Variants in MLPH observed in about 807,000 individuals in gnomAD.
The protein encoded by MLPH is melanophilin, also known as exophilin-3.
A neutral mutation model predicts 72.1 loss-of-function variants in MLPH; 51 were observed. The observed-to-expected ratio is 0.71, with a 90% CI of 0.56 to 0.89. The LOEUF is 0.89. Ranked by LOEUF, MLPH falls within the 40% of genes least tolerant of loss-of-function variation. The pLI is 0.00. For synonymous variants in MLPH, 301 were observed against 310.1 expected (o/e 0.97, Z 0.31); for missense variants, 743 against 759.9 (o/e 0.98, Z 0.26).
At chr2:237,511,239 CCT>C (rs2079896119) in intron 4 of MLPH, 138 bp downstream of exon 4, 3 of 693,648 alleles carry the variant, frequency 4.3e-6, no homozygotes, top group African/African-American at 3.6e-5. Flanking sequence ...CATGCACATG[CCT>C]CTCTGTGAAT....
At chr2:237,553,458 A>G in intron 15 of MLPH, 108 bp from the exon 16 acceptor site, 1 of 1,013,350 alleles carries the variant, frequency 9.9e-7, no homozygotes, top group East Asian at 2.6e-5. Flanking sequence ...ACAGATGTGC[A>G]CATCCATGTA....
At position 237,510,432 on chromosome 2, in the gene MLPH, C is replaced by T; in HGVS notation, c.111-142C>T. 1 of 887,450 alleles carries T rather than the reference C, an allele frequency of 1.1e-6. No homozygotes were observed. Among genetic ancestry groups the T allele is most frequent in the Non-Finnish European group, 1.8e-6 (1 of 546,258 alleles). The allele number at this position is 887,450 out of a possible 1,614,324, so 55.0% of individuals were successfully genotyped here. A position where few individuals can be genotyped will look rare whatever the true frequency, so the allele number is the denominator to read the frequency against. Reference sequence around the variant, plus strand: ...TGTGTGGCTTTGCCCAACGTTGGGTCACTGTTTTCTGCATAGGAGACAGTT... The same window carrying T: ...TGTGTGGCTTTGCCCAACGTTGGGTTACTGTTTTCTGCATAGGAGACAGTT... On this transcript the variant is annotated intron_variant, in intron 2 of 15. Coordinates refer to ENST00000264605, the MANE Select transcript of MLPH (RefSeq NM_024101.7). This position sits in a 1 kb window ranked among gnomAD's most constrained non-coding sequence, Gnocchi z 4.4.
At chr2:237,542,260 C>T (rs1288069300) in intron 11 of MLPH, among the ~76,000 whole-genome samples, 1 of 152,060 alleles carries the variant, frequency 6.6e-6, no homozygotes, top group Non-Finnish European at 1.5e-5. Flanking sequence ...CCTTGCATGT[C>T]ACGGCCCCTC....
chr2:237,505,775 T>C lies in MLPH; in HGVS notation c.111-4799T>C, dbSNP rs6725809. On this transcript the variant is annotated intron_variant, in intron 2 of 15. Coordinates refer to ENST00000264605, the MANE Select transcript of MLPH (RefSeq NM_024101.7). The surrounding 1 kb of genome is among the most constrained non-coding windows in gnomAD (Gnocchi z 4.5). ...TGGTATACGCCCTTTCTTCAGAGGC[T>C]GCCGGGCCTCCCTTGAGGACAGGAG... Among the ~76,000 whole-genome samples the C allele has an allele frequency of 0.027, 4,036 of 152,300 alleles. 154 individuals are homozygous for C. The highest frequency in any genetic ancestry group is 0.087 in the African/African-American group (3,633 of 41,536).
chr2:237,538,223 T>C (rs945929771), intron 9 of MLPH, among the ~76,000 whole-genome samples: 2 of 152,034 alleles, frequency 1.3e-5, no homozygotes, highest in African/African-American at 4.8e-5. Context: ...CACCAAGCTT[T>C]CCCCCAGGAG....
intron 2 of MLPH, among the ~76,000 whole-genome samples, chr2:237,501,223 T>C (rs917953921): frequency 6.6e-6 from 1 of 152,166 alleles, no homozygotes; most frequent in African/African-American, 2.4e-5. Flanking sequence ...AGCACAGTAC[T>C]GACCATGGAA....
Position 237,510,573 on chromosome 2 carries a change from G to A in MLPH, c.111-1G>A. ...TTTCTTGTTTCTGATATTTTCCCAA[G>A]GGCGTTGAAGGGCAAGATTAAGAAG... On this transcript the variant is annotated splice_acceptor_variant, in intron 2 of 15. Coordinates refer to ENST00000264605, the MANE Select transcript of MLPH (RefSeq NM_024101.7). LOFTEE classifies it high-confidence loss of function. This position sits in a 1 kb window ranked among gnomAD's most constrained non-coding sequence, Gnocchi z 4.4. The A allele has an allele frequency of 3.7e-6, 6 of 1,613,066 alleles. No homozygotes were observed. Among genetic ancestry groups the A allele is most frequent in the Non-Finnish European group, 5.1e-6 (6 of 1,179,982 alleles).
rs949006820 is a variant in MLPH at position 237,508,156 on chromosome 2, C to T, written c.111-2418C>T. On this transcript the variant is annotated intron_variant, in intron 2 of 15. Coordinates refer to ENST00000264605, the MANE Select transcript of MLPH (RefSeq NM_024101.7). ...AGACAGAATCTCACTCTGTCACCCA[C>T]GCTGGAGTGCAGTGACACAATCTCG... Among the ~76,000 whole-genome samples, 5 of 152,120 alleles carry T rather than the reference C, an allele frequency of 3.3e-5. No homozygotes were observed. In the South Asian group the frequency reaches 6.2e-4, roughly 19 times the overall value.
intron 8 of MLPH, among the ~76,000 whole-genome samples, chr2:237,533,172 G>T (rs1267231807): frequency 6.6e-6 from 1 of 152,156 alleles, no homozygotes; most frequent in Non-Finnish European, 1.5e-5. Flanking sequence ...GGAGCAAGGC[G>T]CCCACCCACG....
intron 9 of MLPH, among the ~76,000 whole-genome samples, chr2:237,539,416 G>C (rs560089165): frequency 6.6e-6 from 1 of 152,224 alleles, no homozygotes. Flanking sequence ...AGCTTTAAAG[G>C]GTGAAGCTGC....
intron 5 of MLPH, among the ~76,000 whole-genome samples, chr2:237,519,336 G>A (rs530713683): frequency 8.5e-5 from 13 of 152,248 alleles, no homozygotes; most frequent in South Asian, 6.2e-4. Context: ...ATCATCTTTC[G>A]TTTGAGAACA....
intron 7 of MLPH, among the ~76,000 whole-genome samples, chr2:237,526,415 AG>A (rs2080306445): frequency 6.6e-6 from 1 of 151,954 alleles, no homozygotes; most frequent in African/African-American, 2.4e-5. Flanking sequence ...CGTGCGGGAA[AG>A]CTGTCTACTC....
intron 8 of MLPH, among the ~76,000 whole-genome samples, chr2:237,532,458 C>G (rs1200850124): frequency 6.6e-6 from 1 of 152,230 alleles, no homozygotes; most frequent in African/African-American, 2.4e-5. Flanking sequence ...CCCTGGCACG[C>G]ACCCTCCGCC....
At chr2:237,549,461 G>A (rs892265147) in intron 14 of MLPH, among the ~76,000 whole-genome samples, 183 bp downstream of exon 14, 1 of 152,184 alleles carries the variant, frequency 6.6e-6, no homozygotes, top group Non-Finnish European at 1.5e-5. Flanking sequence ...TGGTGTTCTG[G>A]ACAGCTGGAA....
At chr2:237,546,197 G>A (rs910627711) in intron 12 of MLPH, among the ~76,000 whole-genome samples, 1 of 152,172 alleles carries the variant, frequency 6.6e-6, no homozygotes, top group African/African-American at 2.4e-5. Context: ...AATTTAGTCT[G>A]GCTCAGTGAG....
intron 2 of MLPH, among the ~76,000 whole-genome samples, chr2:237,493,772 G>A (rs528299095): frequency 1.3e-5 from 2 of 152,322 alleles, no homozygotes; most frequent in South Asian, 4.1e-4. Context: ...ACTTGACCCA[G>A]CTTCCAGGGT....
At position 237,518,667 on chromosome 2, in the gene MLPH, C is replaced by A; in HGVS notation, c.555+19C>A. On this transcript the variant is annotated intron_variant, in intron 5 of 15. Transcript: ENST00000264605. Reference sequence around the variant, plus strand: ...CAGCAAAGTAAGTCATCTCCAGCCACCCCCTCCTCAGCCACCTCGATTCCA... The same window carrying A: ...CAGCAAAGTAAGTCATCTCCAGCCAACCCCTCCTCAGCCACCTCGATTCCA... The A allele has an allele frequency of 6.3e-7, 1 of 1,588,648 alleles. No individual in the cohort carries two copies. The highest frequency in any genetic ancestry group is 1.1e-5 in the South Asian group (1 of 89,568).
rs924672016 is a variant in MLPH, at chr2:237,546,601, TC to T, written c.1540-3del. On this transcript the variant is annotated splice_polypyrimidine_tract_variant and splice_region_variant and intron_variant, in intron 12 of 15. Transcript: ENST00000264605. ...AATAACATAAGTCTCTTCTTTGCCC[TC>T]CAGATATTTCTCCCTCGAGTGGCTG... 8.7e-6 allele frequency: 14 copies of T among 1,613,720 alleles called. No individual in the cohort carries two copies. The highest frequency in any genetic ancestry group is 1.1e-5 in the Non-Finnish European group (13 of 1,179,774).
At chr2:237,488,987 C>G (rs113386305) in intron 1 of MLPH, among the ~76,000 whole-genome samples, 2,323 of 152,228 alleles carry the variant, frequency 0.015, 49 homozygotes, top group African/African-American at 0.053. Context: ...CACTCCCCCT[C>G]TTAATTTCAA....
Sources: allele counts gnomAD v4.1 joint callset (sites outside exome capture counted in the v4.1 genomes callset), GRCh38; gene constraint gnomAD v4.1.1; non-coding constraint Gnocchi (gnomAD v3.1); transcripts MANE v1.5; gene names NCBI Gene and HGNC (gene_info 2026-07-23, HGNC 2026-07-21).